POGK: variants seen among roughly 807,000 people sequenced by gnomAD.
The protein encoded by POGK is pogo transposable element derived with KRAB domain.
A neutral mutation model predicts 54.4 loss-of-function variants in POGK; 16 were observed. That is an observed-to-expected ratio of 0.29 (90% confidence interval 0.20 to 0.45). The LOEUF is 0.45. Ranked by LOEUF, POGK falls within the 20% of genes least tolerant of loss-of-function variation. The probability of loss-of-function intolerance (pLI) is 1.00; values close to 1 mark genes in which losing one functional copy is unlikely to be tolerated. For missense variants in POGK, 515 were observed against 795.6 expected, an observed-to-expected ratio of 0.65 and a Z score of 4.24; for synonymous variants, 271 against 302.2, an observed-to-expected ratio of 0.90 and a Z score of 1.07.
intron 2 of POGK, among the ~76,000 whole-genome samples, chr1:166,846,169 G>T (rs1205148914): frequency 1.3e-5 from 2 of 152,108 alleles, no homozygotes; most frequent in African/African-American, 4.8e-5. Context: ...CACCCCGCCC[G>T]GGGCCGAGGG....
chr1:166,843,532 G>A (rs1657624974), intron 2 of POGK, among the ~76,000 whole-genome samples: 1 of 152,206 alleles, frequency 6.6e-6, no homozygotes, highest in South Asian at 2.1e-4. Flanking sequence ...ATAAAAGTGA[G>A]GTAGTGATCC....
chr1:166,851,637 G>A (rs1050505851), intron 5 of POGK: 2 of 152,156 alleles, frequency 1.3e-5, no homozygotes, highest in African/African-American at 4.8e-5. Flanking sequence ...GAGAGGAGGA[G>A]GATGAGCATG....
chr1:166,847,383 G>T, intron 3 of POGK, 111 bp from the exon 4 acceptor site: 1 of 788,972 alleles, frequency 1.3e-6, no homozygotes, highest in South Asian at 2.1e-5. Flanking sequence ...TTTTCCCCTT[G>T]TTTTTCACAA....
rs1207609968 is a variant in POGK, at chr1:166,849,171, C to T, written c.592C>T (p.Arg198Cys). 2.5e-6 allele frequency: 4 copies of T among 1,614,214 alleles called. No homozygotes were observed. The highest frequency in any genetic ancestry group is 2.2e-5 in the South Asian group (2 of 91,084). ...GTTTCAGTTCAGCCGGGGCATGCGC[C>T]GCAGTTACGACGCAGGGTTCAAGCT... The part of the protein sequence containing the change: ...GKFQFSRGMR[R>C]SYDAGFKLMV... Residue 198 changes from arginine to cysteine, a missense_variant, in exon 5 of 6, where the codon CGC becomes TGC. Arg to Cys is a radical substitution (Grantham distance 180). Transcript: ENST00000367876.
Position 166,850,380 on chromosome 1 carries a change from G to A in POGK, c.1801G>A (p.Asp601Asn), listed in dbSNP as rs1320083897. The A allele has an allele frequency of 2.5e-6, 4 of 1,611,708 alleles. No homozygotes were observed. Among genetic ancestry groups the A allele is most frequent in the Non-Finnish European group, 3.4e-6 (4 of 1,179,418 alleles). The change falls in exon 5 of 6, where the codon GAC becomes AAC. Residue 601 changes from aspartate to asparagine, a missense_variant. Transcript: ENST00000367876. ...AGGAGGAGAACCACCAAAAGATTGTGACACCGAAAGCATGGCTGAGAGCAA... is the reference window on the plus strand; with the variant it reads ...AGGAGGAGAACCACCAAAAGATTGTAACACCGAAAGCATGGCTGAGAGCAA... Reference protein sequence around the residue: ...PGGGEPPKDCDTESMAESN With the variant: ...PGGGEPPKDCNTESMAESN
At chr1:166,847,719 C>A in intron 4 of POGK, 127 bp downstream of exon 4, 1 of 678,684 alleles carries the variant, frequency 1.5e-6, no homozygotes. Context: ...TGAAATCTCC[C>A]TCTTTGCAGT....
rs1271251776 is a variant in POGK, at chr1:166,854,907, A to G, written c.*2337A>G. On this transcript the variant is annotated 3_prime_UTR_variant, in exon 6 of 6. Transcript: ENST00000367876. ...CAGTGTTATTTTTCCTTTTCAACCC[A>G]TCAGCATTAAATGCTGAGCCACTCT... The G allele has an allele frequency of 1.3e-5, 2 of 150,860 alleles. No individual in the cohort carries two copies. The highest frequency in any genetic ancestry group is 5.0e-5 in the African/African-American group (2 of 40,148). The allele number at this position is 150,860 out of a possible 1,614,324, so 9.3% of individuals were successfully genotyped here.
intron 1 of POGK, 142 bp from the exon 2 acceptor site, chr1:166,840,813 C>A: frequency 9.7e-7 from 1 of 1,025,768 alleles, no homozygotes; most frequent in Non-Finnish European, 1.4e-6. Context: ...GCTTCCTGGC[C>A]GACTCTTGTT....
chr1:166,854,850 AAGT>A lies in POGK; in HGVS notation c.*2287_*2289del, dbSNP rs1658220998. On this transcript the variant is annotated 3_prime_UTR_variant, in exon 6 of 6. Transcript: ENST00000367876. ...GTCCTGACAATTTACAGTGCCCATA[AAGT>A]AGTAGTTGATTCTCCAGGAATAATC... 6.6e-6 allele frequency: 1 copy of A among 152,182 alleles called. No individual in the cohort carries two copies. Among genetic ancestry groups the A allele is most frequent in the Non-Finnish European group, 1.5e-5 (1 of 68,024 alleles). The allele number at this position is 152,182 out of a possible 1,614,324, so 9.4% of individuals were successfully genotyped here.
At chr1:166,842,737 G>A (rs1657564462) in intron 2 of POGK, among the ~76,000 whole-genome samples, 1 of 152,126 alleles carries the variant, frequency 6.6e-6, no homozygotes, top group Non-Finnish European at 1.5e-5. Flanking sequence ...TTGTTGGTCT[G>A]ACTTGGTGGG....
At chr1:166,847,349 T>C (rs74364059) in intron 3 of POGK, 145 bp from the exon 4 acceptor site, 1 of 611,674 alleles carries the variant, frequency 1.6e-6, no homozygotes, top group South Asian at 2.4e-5. Context: ...CCATTATCTT[T>C]TTTCTTTAAG....
intron 2 of POGK, among the ~76,000 whole-genome samples, chr1:166,843,604 C>T (rs996042549): frequency 6.6e-6 from 1 of 152,210 alleles, no homozygotes; most frequent in African/African-American, 2.4e-5. Context: ...GTGTCCTATA[C>T]AGTGCTTGGC....
intron 3 of POGK, among the ~76,000 whole-genome samples, chr1:166,847,179 TGAAGA>T (rs1248071889): frequency 6.6e-6 from 1 of 152,222 alleles, no homozygotes. Flanking sequence ...TGTAATCATT[TGAAGA>T]GATTTCCCAG....
Position 166,850,046 on chromosome 1 carries a change from C to T in POGK, c.1467C>T (p.Asn489=). The change falls in exon 5 of 6, where the codon AAC becomes AAT. Residue 489 remains asparagine (N), a synonymous_variant. Transcript: ENST00000367876. ...DSVKNSMESM[N]TDMVIIPGGL... is the part of the protein sequence containing the mutation. ...TGAAGAACTCCATGGAAAGCATGAACACTGACATGGTGATCATCCCAGGGG... is the reference window on the plus strand; with the variant it reads ...TGAAGAACTCCATGGAAAGCATGAATACTGACATGGTGATCATCCCAGGGG... 1.2e-6 allele frequency: 2 copies of T among 1,614,218 alleles called. No individual in the cohort carries two copies. Among genetic ancestry groups the T allele is most frequent in the Non-Finnish European group, 1.7e-6 (2 of 1,180,038 alleles).
Position 166,855,246 on chromosome 1 carries a change from C to T in POGK, c.*2676C>T, listed in dbSNP as rs1290636344. ...CAGCTTTATCACACCTGGTTTTGCA[C>T]AGTGATAAATTCCTGCAGGAAAAAA... On this transcript the variant is annotated 3_prime_UTR_variant, in exon 6 of 6. Coordinates refer to ENST00000367876, the MANE Select transcript of POGK (RefSeq NM_017542.5). 1 of 152,098 alleles carries T rather than the reference C, an allele frequency of 6.6e-6. No homozygotes were observed. Among genetic ancestry groups the T allele is most frequent in the African/African-American group, 2.4e-5 (1 of 41,402 alleles). The allele number at this position is 152,098 out of a possible 1,614,324, so 9.4% of individuals were successfully genotyped here.
In POGK at chr1:166,846,822, G is replaced by A. The variant is rs1657868252; in HGVS notation, c.259+84G>A. 3.2e-6 allele frequency: 5 copies of A among 1,544,578 alleles called. 1 individual carries two copies. In the South Asian group the frequency reaches 5.8e-5, roughly 18 times the overall value. ...GCCTCTCTTCTCTGGTATATCCAATGTCCCTCTCTCCTGAACTTAGACTCT... is the reference window on the plus strand; with the variant it reads ...GCCTCTCTTCTCTGGTATATCCAATATCCCTCTCTCCTGAACTTAGACTCT... On this transcript the variant is annotated intron_variant, in intron 3 of 5. Coordinates refer to ENST00000367876, the MANE Select transcript of POGK (RefSeq NM_017542.5).
At position 166,853,034 on chromosome 1, in the gene POGK, A is replaced by C. The variant is rs989472322; in HGVS notation, c.*464A>C. 15 of 152,276 alleles carry C rather than the reference A, an allele frequency of 9.9e-5. No individual in the cohort carries two copies. The highest frequency in any genetic ancestry group is 3.6e-4 in the African/African-American group (15 of 41,472). 9.4% of individuals were successfully genotyped at this position (152,276 alleles called of 1,614,324 possible). A position where few individuals can be genotyped will look rare whatever the true frequency, so the allele number is the denominator to read the frequency against. On this transcript the variant is annotated 3_prime_UTR_variant, in exon 6 of 6. Coordinates refer to ENST00000367876, the MANE Select transcript of POGK (RefSeq NM_017542.5). ...TTATTCTGCCTTTGAAAATGCTTCCAAAAGTAGACCCTGTCCCCACACAGG... is the reference window on the plus strand; with the variant it reads ...TTATTCTGCCTTTGAAAATGCTTCCCAAAGTAGACCCTGTCCCCACACAGG...
rs978497591 is a variant in POGK at position 166,853,804 on chromosome 1, A to C, written c.*1234A>C. ...CTGTTCTTGGCATCTTGAAACACCT[A>C]TTTCTACTCAGGTACTCATTGTCCT... On this transcript the variant is annotated 3_prime_UTR_variant, in exon 6 of 6. Transcript: ENST00000367876. The C allele has an allele frequency of 6.6e-6, 1 of 152,086 alleles. No homozygotes were observed. Among genetic ancestry groups the C allele is most frequent in the Admixed American group, 6.6e-5 (1 of 15,262 alleles). 9.4% of individuals were successfully genotyped at this position (152,086 alleles called of 1,614,324 possible).
rs138362264 is a variant in POGK at position 166,850,340 on chromosome 1, G to A, written c.1761G>A (p.Glu587=). The part of the protein sequence containing the change: ...EEEDDVLWEI[E]SELPGGGEPP... Reference sequence around the variant, plus strand: ...AAGACGATGTCCTGTGGGAAATCGAGAGTGAGTTGCCAGGAGGAGGAGAAC... The same window carrying A: ...AAGACGATGTCCTGTGGGAAATCGAAAGTGAGTTGCCAGGAGGAGGAGAAC... Residue 587 remains glutamate (E), a synonymous_variant, in exon 5 of 6, where the codon GAG becomes GAA. Coordinates refer to ENST00000367876, the MANE Select transcript of POGK (RefSeq NM_017542.5). The A allele has an allele frequency of 2.3e-5, 37 of 1,613,356 alleles. No homozygotes were observed. In the African/African-American group the frequency reaches 4.0e-4, roughly 17 times the overall value.
Sources: gnomAD v4.1 joint callset for allele counts (sites outside exome capture counted in the v4.1 genomes callset) on GRCh38, gnomAD v4.1.1 for gene constraint, MANE v1.5 for transcripts, NCBI Gene and HGNC (gene_info 2026-07-23, HGNC 2026-07-21) for gene names.